The following PAPPA variants were observed in gnomAD, a reference collection of about 807,000 sequenced individuals.
PAPPA encodes the protein pappalysin-1.
Under a neutral mutation model 164.0 loss-of-function variants are expected in PAPPA, and 60 were observed. The ratio of observed to expected loss-of-function variants is 0.37; its 90% CI spans 0.30 to 0.45. PAPPA has a LOEUF of 0.45. Among genes scored for constraint, PAPPA ranks in the 20% least tolerant of loss-of-function variants. The probability of loss-of-function intolerance (pLI) is 1.00; values close to 1 mark genes in which losing one functional copy is unlikely to be tolerated. For missense variants in PAPPA, 1,782 were observed against 2,087.3 expected, an observed-to-expected ratio of 0.85 and a Z score of 2.85; for synonymous variants, 875 against 814.1, an observed-to-expected ratio of 1.07 and a Z score of -1.27.
intron 21 of PAPPA, among the ~76,000 whole-genome samples, chr9:116,388,540 A>AGTT (rs1846846864): frequency 1.3e-5 from 2 of 152,112 alleles, no homozygotes; most frequent in Non-Finnish European, 2.9e-5. Flanking sequence ...ATGTCTGGGG[A>AGTT]GTTGGGGTAT....
chr9:116,198,595 C>T (rs532472070), intron 2 of PAPPA, among the ~76,000 whole-genome samples: 15 of 152,244 alleles, frequency 9.9e-5, no homozygotes, highest in African/African-American at 3.4e-4. Flanking sequence ...AGGTGCTGAG[C>T]GAACACAGAG....
chr9:116,194,791 T>A (rs576201642), intron 2 of PAPPA, among the ~76,000 whole-genome samples: 1 of 152,282 alleles, frequency 6.6e-6, no homozygotes, highest in African/African-American at 2.4e-5. Flanking sequence ...ATATCCTCCC[T>A]GTCAGCATTG....
At chr9:116,236,619 C>T (rs1168773753) in intron 7 of PAPPA, among the ~76,000 whole-genome samples, 1 of 151,260 alleles carries the variant, frequency 6.6e-6, no homozygotes, top group Non-Finnish European at 1.5e-5. Context: ...ACTCACTTCT[C>T]AAGCCACCTC....
intron 19 of PAPPA, among the ~76,000 whole-genome samples, chr9:116,373,905 G>A (rs1313819987): frequency 3.3e-5 from 5 of 152,112 alleles, no homozygotes; most frequent in Non-Finnish European, 7.4e-5. Flanking sequence ...GTCAAAAATA[G>A]TACCTATCTC....
intron 20 of PAPPA, among the ~76,000 whole-genome samples, chr9:116,381,272 ACT>A (rs1183553365): frequency 6.6e-6 from 1 of 152,182 alleles, no homozygotes; most frequent in Non-Finnish European, 1.5e-5. Flanking sequence ...ATCCCTGCCA[ACT>A]GCCCTTGCCA....
At position 116,265,773 on chromosome 9, in the gene PAPPA, C is replaced by T. The variant is rs554230831; in HGVS notation, c.2733-84C>T. 52 of 1,116,712 alleles carry T rather than the reference C, an allele frequency of 4.7e-5. No individual in the cohort carries two copies. In the South Asian group the frequency reaches 7.5e-4, roughly 16 times the overall value. 69.2% of individuals were successfully genotyped at this position (1,116,712 alleles called of 1,614,324 possible). A position where few individuals can be genotyped will look rare whatever the true frequency, so the allele number is the denominator to read the frequency against. On this transcript the variant is annotated intron_variant, in intron 7 of 21. Coordinates refer to ENST00000328252, the MANE Select transcript of PAPPA (RefSeq NM_002581.5). The stretch of plus-strand genomic sequence containing the variant: ...CAAAAATGAGCAAGACTGATAGAAC[C>T]TACTCCAGGGGATCAATTTTCCATT...
intron 1 of PAPPA, among the ~76,000 whole-genome samples, chr9:116,164,674 C>CTG (rs1843701613): frequency 6.6e-6 from 1 of 152,162 alleles, no homozygotes; most frequent in East Asian, 1.9e-4. Flanking sequence ...CGTATCCATT[C>CTG]CTGTTGCTCT....
At chr9:116,169,891 C>G (rs991724390) in intron 1 of PAPPA, among the ~76,000 whole-genome samples, 7 of 152,026 alleles carry the variant, frequency 4.6e-5, no homozygotes, top group African/African-American at 1.7e-4. Context: ...ACAACAGCAT[C>G]ATGATCGATT....
chr9:116,232,874 G>GTCCC (rs1475039646), intron 6 of PAPPA, among the ~76,000 whole-genome samples: 1 of 152,166 alleles, frequency 6.6e-6, no homozygotes, highest in Non-Finnish European at 1.5e-5. Context: ...GAAGTATTTG[G>GTCCC]TCCCTCTGTT....
intron 7 of PAPPA, among the ~76,000 whole-genome samples, chr9:116,261,168 A>G (rs1220881220): frequency 1.3e-5 from 2 of 152,246 alleles, no homozygotes; most frequent in African/African-American, 4.8e-5. Context: ...TATGATACGT[A>G]GTGCGTAGCA....
At chr9:116,351,284 T>C (rs1846278746) in intron 15 of PAPPA, among the ~76,000 whole-genome samples, 1 of 152,162 alleles carries the variant, frequency 6.6e-6, no homozygotes, top group African/African-American at 2.4e-5. Flanking sequence ...ATTTGTTGAA[T>C]GAATGAAGAC....
At chr9:116,313,682 T>C (rs1386498364) in intron 10 of PAPPA, among the ~76,000 whole-genome samples, 2 of 152,186 alleles carry the variant, frequency 1.3e-5, no homozygotes, top group Non-Finnish European at 2.9e-5. Context: ...ATGATGAAAA[T>C]GTTCTACATA....
At chr9:116,389,790 A>G (rs1588032695) in intron 21 of PAPPA, among the ~76,000 whole-genome samples, 1 of 146,366 alleles carries the variant, frequency 6.8e-6, no homozygotes, top group African/African-American at 2.5e-5. Flanking sequence ...GCACTCCCAC[A>G]CTCATTTGCT....
At chr9:116,249,020 G>A (rs1844829443) in intron 7 of PAPPA, among the ~76,000 whole-genome samples, 1 of 152,182 alleles carries the variant, frequency 6.6e-6, no homozygotes. Flanking sequence ...GGGCCAGAAG[G>A]TGTAATTCTG....
intron 9 of PAPPA, among the ~76,000 whole-genome samples, chr9:116,281,694 G>C (rs750404603): frequency 2.6e-5 from 4 of 152,126 alleles, no homozygotes; most frequent in Non-Finnish European, 4.4e-5. Flanking sequence ...CACATTCCAG[G>C]TGACACAACA....
intron 1 of PAPPA, among the ~76,000 whole-genome samples, chr9:116,155,427 CT>C (rs1843590506): frequency 6.6e-6 from 1 of 152,236 alleles, no homozygotes; most frequent in Non-Finnish European, 1.5e-5. Flanking sequence ...ATTTTCCCCC[CT>C]CTAAATGAAT....
chr9:116,365,313 TGCTGCCACCAGG>T (rs1455362380), intron 18 of PAPPA, among the ~76,000 whole-genome samples: 1 of 152,092 alleles, frequency 6.6e-6, no homozygotes, highest in African/African-American at 2.4e-5. Context: ...AAGTTGCTGC[TGCTGCCACCAGG>T]GCTGCCACCC....
chr9:116,211,312 A>C (rs1844304047), intron 3 of PAPPA, among the ~76,000 whole-genome samples: 1 of 152,252 alleles, frequency 6.6e-6, no homozygotes, highest in Non-Finnish European at 1.5e-5. Flanking sequence ...AGAAAGGTTT[A>C]CTGGCCCAGA....
At chr9:116,309,219 G>A (rs1228925187) in intron 10 of PAPPA, among the ~76,000 whole-genome samples, 2 of 152,050 alleles carry the variant, frequency 1.3e-5, no homozygotes, top group African/African-American at 4.8e-5. Flanking sequence ...GGGATTACAA[G>A]CCTATGCCAC....
Sources: allele counts gnomAD v4.1 joint callset (sites outside exome capture counted in the v4.1 genomes callset), GRCh38; gene constraint gnomAD v4.1.1; transcripts MANE v1.5; gene names NCBI Gene and HGNC (gene_info 2026-07-23, HGNC 2026-07-21).